SLC38A3: variants seen among roughly 807,000 people sequenced by gnomAD.
The protein encoded by SLC38A3 is sodium-coupled neutral amino acid transporter 3.
Under a neutral mutation model 59.5 loss-of-function variants are expected in SLC38A3, and 17 were observed. The observed-to-expected ratio is 0.29, with a 90% CI of 0.20 to 0.43. SLC38A3 has a LOEUF of 0.43. Among genes scored for constraint, SLC38A3 ranks in the 20% least tolerant of loss-of-function variants. The probability of loss-of-function intolerance (pLI) is 1.00; values close to 1 mark genes in which losing one functional copy is unlikely to be tolerated. For synonymous variants in SLC38A3, 238 were observed against 260.3 expected (o/e 0.91, Z 0.82); for missense variants, 454 against 653.9 (o/e 0.69, Z 3.33).
At position 50,214,570 on chromosome 3, in the gene SLC38A3, G is replaced by A. The variant is rs1406123603; in HGVS notation, c.184-83G>A. Reference sequence around the variant, plus strand: ...TGGTCTCTGGCAGCAGTGGGAGGCTGAGGGACAGTCAGGGGAAGGCTGCGA... The same window carrying A: ...TGGTCTCTGGCAGCAGTGGGAGGCTAAGGGACAGTCAGGGGAAGGCTGCGA... On this transcript the variant is annotated intron_variant, in intron 3 of 15. Coordinates refer to ENST00000614032, the MANE Select transcript of SLC38A3 (RefSeq NM_006841.6). The surrounding 1 kb of genome is among the most constrained non-coding windows in gnomAD (Gnocchi z 6.0). 6 of 1,471,382 alleles carry A rather than the reference G, an allele frequency of 4.1e-6. No homozygotes were observed. Among genetic ancestry groups the A allele is most frequent in the Admixed American group, 1.9e-5 (1 of 51,356 alleles). The allele number at this position is 1,471,382 out of a possible 1,614,324, so 91.1% of individuals were successfully genotyped here. A position where few individuals can be genotyped will look rare whatever the true frequency, so the allele number is the denominator to read the frequency against.
intron 1 of SLC38A3, among the ~76,000 whole-genome samples, chr3:50,209,277 A>C (rs1299471130): frequency 6.8e-6 from 1 of 146,508 alleles, no homozygotes; most frequent in Non-Finnish European, 1.5e-5. Flanking sequence ...AGCCTGAGCA[A>C]GGAGGGTCCA....
chr3:50,218,042 G>C lies in SLC38A3; in HGVS notation c.935+46G>C, dbSNP rs739430. 1,027 of 1,576,124 alleles carry C rather than the reference G, an allele frequency of 6.5e-4. No individual in the cohort carries two copies. Among genetic ancestry groups the C allele is most frequent in the Non-Finnish European group, 7.9e-4 (903 of 1,147,734 alleles). The stretch of plus-strand genomic sequence containing the variant: ...GTGGGGGTGGGGATGCCCTGAGCTG[G>C]TTTGGGGAGAATGGATGTGGTCCTG... On this transcript the variant is annotated intron_variant, in intron 11 of 15. Coordinates refer to ENST00000614032, the MANE Select transcript of SLC38A3 (RefSeq NM_006841.6). The surrounding 1 kb of genome is among the most constrained non-coding windows in gnomAD (Gnocchi z 5.8).
At position 50,214,270 on chromosome 3, in the gene SLC38A3, C is replaced by T. The variant is rs774097036; in HGVS notation, c.71C>T (p.Pro24Leu). 1.5e-5 allele frequency: 25 copies of T among 1,613,826 alleles called. No homozygotes were observed. The highest frequency in any genetic ancestry group is 1.3e-4 in the African/African-American group (10 of 74,938). ...PNGKHSEGLL[P>L]VITPMAGNQR... is the part of the protein sequence containing the mutation. ...GGCAAACACTCAGAGGGGCTGCTCC[C>T]GGTCATCACCCCCATGGCAGGCAAC... is the stretch of plus-strand genomic sequence containing the variant. The change falls in exon 2 of 16, where the codon CCG becomes CTG. Residue 24 changes from proline to leucine, a missense_variant. By Grantham distance (98) the Pro-to-Leu change is moderately conservative. Transcript: ENST00000614032. The surrounding 1 kb of genome is among the most constrained non-coding windows in gnomAD (Gnocchi z 6.0).
rs771582971 is a variant in SLC38A3, at chr3:50,218,974, G to A, written c.1306+26G>A. ...GTGAGGGTCTGGCCCTGCTGTGGAA[G>A]CAGGGTATTGCCCCAGAGGATTTCA... On this transcript the variant is annotated intron_variant, in intron 14 of 15. Coordinates refer to ENST00000614032, the MANE Select transcript of SLC38A3 (RefSeq NM_006841.6). This position sits in a 1 kb window ranked among gnomAD's most constrained non-coding sequence, Gnocchi z 5.8. 4 of 1,595,754 alleles carry A rather than the reference G, an allele frequency of 2.5e-6. No homozygotes were observed. The South Asian group carries it at 4.4e-5, about 18-fold the overall frequency.
chr3:50,215,176 G>T lies in SLC38A3; in HGVS notation c.300-210G>T. The T allele has an allele frequency of 1.7e-6, 1 of 593,124 alleles. No homozygotes were observed. Among genetic ancestry groups the T allele is most frequent in the Non-Finnish European group, 3.0e-6 (1 of 332,556 alleles). 36.7% of individuals were successfully genotyped at this position (593,124 alleles called of 1,614,324 possible). ...CACAGGGACACTCTTGACCCAGAGG[G>T]CCCCTTCTGGGGTGTGTCGCACCCT... On this transcript the variant is annotated intron_variant, in intron 4 of 15. Transcript: ENST00000614032. This position sits in a 1 kb window ranked among gnomAD's most constrained non-coding sequence, Gnocchi z 7.1.
At position 50,218,601 on chromosome 3, in the gene SLC38A3, G is replaced by A. The variant is rs1470504585; in HGVS notation, c.1045G>A (p.Glu349Lys). 1 of 1,612,720 alleles carries A rather than the reference G, an allele frequency of 6.2e-7. No homozygotes were observed. Among genetic ancestry groups the A allele is most frequent in the Admixed American group, 1.7e-5 (1 of 60,012 alleles). ...CTCCCTGCCTGCCACAGACGGGGTGGAGTCGGAGCTGCTGCACACCTACAG... is the reference window on the plus strand; with the variant it reads ...CTCCCTGCCTGCCACAGACGGGGTGAAGTCGGAGCTGCTGCACACCTACAG... ...FGYLTFYNGV[E>K]SELLHTYSKV... Residue 349 changes from glutamate (E) to lysine (K), a missense_variant, in exon 13 of 16, where the codon GAG (glutamate) becomes AAG (lysine). This residue lies in a region of SLC38A3 where 390 missense variants were observed against 557.9 expected (regional missense o/e 0.70). Coordinates refer to ENST00000614032, the MANE Select transcript of SLC38A3 (RefSeq NM_006841.6). The surrounding 1 kb of genome is among the most constrained non-coding windows in gnomAD (Gnocchi z 5.8).
chr3:50,208,745 T>G (rs1451978141), intron 1 of SLC38A3, among the ~76,000 whole-genome samples: 1 of 152,218 alleles, frequency 6.6e-6, no homozygotes, highest in Admixed American at 6.5e-5. Context: ...TGTCCCTCTG[T>G]GTGCATCTGC....
intron 1 of SLC38A3, among the ~76,000 whole-genome samples, chr3:50,211,772 A>C (rs1699734238): frequency 6.6e-6 from 1 of 151,674 alleles, no homozygotes; most frequent in Non-Finnish European, 1.5e-5. Context: ...TTTTTAGTAG[A>C]GATGGGGTTT....
intron 1 of SLC38A3, among the ~76,000 whole-genome samples, chr3:50,212,926 C>T (rs770845971): frequency 1.8e-4 from 28 of 152,290 alleles, no homozygotes; most frequent in Non-Finnish European, 3.7e-4. Flanking sequence ...GGCTGTCCTG[C>T]CTGGCAGGGC....
chr3:50,221,204 G>C lies in SLC38A3; in HGVS notation c.*1027G>C, dbSNP rs950325593. On this transcript the variant is annotated 3_prime_UTR_variant, in exon 16 of 16. Coordinates refer to ENST00000614032, the MANE Select transcript of SLC38A3 (RefSeq NM_006841.6). ...GCTCAGCACAGACCTGCTTTCTCAC[G>C]GGTTGAGGTGGGGAGGAATTAATGA... 1 of 143,956 alleles carries C rather than the reference G, an allele frequency of 6.9e-6. No homozygotes were observed. The highest frequency in any genetic ancestry group is 1.5e-5 in the Non-Finnish European group (1 of 67,210). The allele number at this position is 143,956 out of a possible 1,614,324, so 8.9% of individuals were successfully genotyped here.
chr3:50,212,257 A>G (rs765652507), intron 1 of SLC38A3, among the ~76,000 whole-genome samples: 3 of 152,158 alleles, frequency 2.0e-5, no homozygotes, highest in Non-Finnish European at 2.9e-5. Context: ...TTTTGTCCAG[A>G]CTGCCAGCTC....
chr3:50,219,409 T>G (rs1699866254), intron 14 of SLC38A3, among the ~76,000 whole-genome samples: 1 of 152,132 alleles, frequency 6.6e-6, no homozygotes, highest in Admixed American at 6.5e-5. Context: ...TTTGGGGTGA[T>G]CCAACTCAGA....
chr3:50,209,563 G>A (rs888164783), intron 1 of SLC38A3, among the ~76,000 whole-genome samples: 2 of 152,048 alleles, frequency 1.3e-5, no homozygotes, highest in Admixed American at 6.5e-5. Context: ...GCAGGAGAAA[G>A]GTGTGAACCC....
rs1210070479 is a variant in SLC38A3, at chr3:50,214,086, G to A, written c.-51-63G>A. The A allele has an allele frequency of 3.2e-6, 3 of 928,826 alleles. No homozygotes were observed. Among genetic ancestry groups the A allele is most frequent in the Non-Finnish European group, 5.0e-6 (3 of 598,666 alleles). The allele number at this position is 928,826 out of a possible 1,614,324, so 57.5% of individuals were successfully genotyped here. A position where few individuals can be genotyped will look rare whatever the true frequency, so the allele number is the denominator to read the frequency against. On this transcript the variant is annotated intron_variant, in intron 1 of 15. Transcript: ENST00000614032. This position sits in a 1 kb window ranked among gnomAD's most constrained non-coding sequence, Gnocchi z 6.0. ...AGGTGTGCTATGGCTGCAGGCCTCA[G>A]GTAGGAGGCTAGGCCGTAGGCCCAA...
Position 50,215,538 on chromosome 3 carries a change from C to G in SLC38A3, c.374-6C>G. On this transcript the variant is annotated splice_polypyrimidine_tract_variant and splice_region_variant and intron_variant, in intron 5 of 15. Coordinates refer to ENST00000614032, the MANE Select transcript of SLC38A3 (RefSeq NM_006841.6). The surrounding 1 kb of genome is among the most constrained non-coding windows in gnomAD (Gnocchi z 7.1). Reference sequence around the variant, plus strand: ...AGCTCCTGACTTCTTGACCCTGCTCCTGCAGGCATCCGTGCCTATGAGCAG... The same window carrying G: ...AGCTCCTGACTTCTTGACCCTGCTCGTGCAGGCATCCGTGCCTATGAGCAG... 6.2e-7 allele frequency: 1 copy of G among 1,613,888 alleles called. No homozygotes were observed. Among genetic ancestry groups the G allele is most frequent in the Non-Finnish European group, 8.5e-7 (1 of 1,179,834 alleles).
In SLC38A3 at chr3:50,220,199, T is replaced by C. The variant is rs1699877772; in HGVS notation, c.*22T>C. 2 of 1,540,986 alleles carry C rather than the reference T, an allele frequency of 1.3e-6. No individual in the cohort carries two copies. Among genetic ancestry groups the C allele is most frequent in the Non-Finnish European group, 1.8e-6 (2 of 1,133,188 alleles). ...CTAGGGTGACCCTCATCCTGTTCTG[T>C]CTACTCACCCTAGCAGCCCTGCCCA... On this transcript the variant is annotated 3_prime_UTR_variant, in exon 16 of 16. Coordinates refer to ENST00000614032, the MANE Select transcript of SLC38A3 (RefSeq NM_006841.6).
At position 50,219,845 on chromosome 3, in the gene SLC38A3, T is replaced by C. The variant is rs887966976; in HGVS notation, c.1307-36T>C. ...CCCCGAACCTTAGTCAGTAGGAGGATATGAGCCAGCAGTGGCCATGTCTTG... is the reference window on the plus strand; with the variant it reads ...CCCCGAACCTTAGTCAGTAGGAGGACATGAGCCAGCAGTGGCCATGTCTTG... On this transcript the variant is annotated intron_variant, in intron 14 of 15. Coordinates refer to ENST00000614032, the MANE Select transcript of SLC38A3 (RefSeq NM_006841.6). The C allele has an allele frequency of 1.9e-6, 3 of 1,548,098 alleles. No homozygotes were observed. The African/African-American group carries it at 4.1e-5, about 21-fold the overall frequency.
At chr3:50,209,747 C>T (rs1353780804) in intron 1 of SLC38A3, among the ~76,000 whole-genome samples, 1 of 152,154 alleles carries the variant, frequency 6.6e-6, no homozygotes, top group Non-Finnish European at 1.5e-5. Flanking sequence ...TAGACACCTC[C>T]GGATGCCCAG....
intron 1 of SLC38A3, among the ~76,000 whole-genome samples, chr3:50,210,401 C>G (rs1019123760): frequency 3.9e-5 from 6 of 152,152 alleles, no homozygotes; most frequent in Non-Finnish European, 8.8e-5. Flanking sequence ...CAGCAATAAG[C>G]TCCAGAGGGT....
Sources: allele counts gnomAD v4.1 joint callset (sites outside exome capture counted in the v4.1 genomes callset), GRCh38; gene constraint gnomAD v4.1.1; regional missense constraint gnomAD v4.1.1; non-coding constraint Gnocchi (gnomAD v3.1); transcripts MANE v1.5; gene names NCBI Gene and HGNC (gene_info 2026-07-23, HGNC 2026-07-21).